The following ZFHX3 variants were observed in gnomAD, a reference collection of about 807,000 sequenced individuals.
ZFHX3 encodes the protein zinc finger homeobox protein 3.
A neutral mutation model predicts 279.1 loss-of-function variants in ZFHX3; 42 were observed. That is an observed-to-expected ratio of 0.15 (90% CI 0.12 to 0.19). The LOEUF is 0.19. ZFHX3 is among the 10% of genes least tolerant of loss of function. ZFHX3 has a pLI of 1.00. For synonymous variants in ZFHX3, 2,293 were observed against 1,957.8 expected (o/e 1.17, Z -4.52); for missense variants, 4,981 against 4,754.0 (o/e 1.05, Z -1.40).
intron 3 of ZFHX3, among the ~76,000 whole-genome samples, chr16:72,916,518 C>A (rs769461083): frequency 6.6e-6 from 1 of 152,128 alleles, no homozygotes; most frequent in Non-Finnish European, 1.5e-5. Context: ...CAAAGTTAGT[C>A]AAAAAGTCAT....
At chr16:73,487,422 TGGCAGAGTCTCGATCTG>T in intron 2 of ZFHX3, 2 of 435,692 alleles carry the variant, frequency 4.6e-6, no homozygotes, top group Admixed American at 5.1e-5. Flanking sequence ...TTTTTTTTTT[TGGCAGAGTCTCGATCTG>T]TTGCCCAGGC....
intron 7 of ZFHX3, among the ~76,000 whole-genome samples, chr16:73,113,279 T>C (rs1966398766): frequency 1.3e-5 from 2 of 151,972 alleles, no homozygotes; most frequent in African/African-American, 4.8e-5. Flanking sequence ...TATATATTCC[T>C]AGGAAGGAAC....
intron 4 of ZFHX3, among the ~76,000 whole-genome samples, chr16:73,291,016 A>T (rs1424880272): frequency 6.6e-6 from 1 of 152,216 alleles, no homozygotes; most frequent in East Asian, 1.9e-4. Context: ...GGCTTAGAAG[A>T]TGTAAAACCA....
intron 7 of ZFHX3, among the ~76,000 whole-genome samples, chr16:72,805,605 T>C (rs1031940421): frequency 1.1e-4 from 16 of 152,224 alleles, no homozygotes; most frequent in African/African-American, 3.9e-4. Flanking sequence ...AAAAGCCAGC[T>C]GCTTTTAGGG....
intron 8 of ZFHX3, among the ~76,000 whole-genome samples, chr16:72,799,490 G>A (rs779429283): frequency 5.0e-4 from 76 of 152,266 alleles, no homozygotes; most frequent in Admixed American, 9.1e-4. Flanking sequence ...AGAGGTGAAC[G>A]ATGTAGGACA....
intron 5 of ZFHX3, among the ~76,000 whole-genome samples, chr16:73,162,006 G>T (rs537983284): frequency 6.6e-6 from 1 of 152,314 alleles, no homozygotes; most frequent in South Asian, 2.1e-4. Context: ...CAAGCTACAG[G>T]CAAGTGGAGA....
intron 2 of ZFHX3, among the ~76,000 whole-genome samples, chr16:73,628,167 A>G (rs546171528): frequency 9.2e-5 from 14 of 152,346 alleles, no homozygotes; most frequent in African/African-American, 3.4e-4. Context: ...ATACCTGGGG[A>G]TAAGGAATGC....
Position 73,766,916 on chromosome 16 carries a change from T to G in ZFHX3, c.-1607-86676A>C, listed in dbSNP as rs909740064. Among the ~76,000 whole-genome samples, 7 of 151,126 alleles carry G rather than the reference T, an allele frequency of 4.6e-5. No homozygotes were observed. In the East Asian group the frequency reaches 1.4e-3, roughly 29 times the overall value. On this transcript the variant is annotated intron_variant, in intron 1 of 17. Transcript: ENST00000641206. Reference sequence around the variant, plus strand: ...AGTATTAGATTGGTGCAAAGGTAATTGTGGGTTTTGCCATTACTTTTTTTT... The same window carrying G: ...AGTATTAGATTGGTGCAAAGGTAATGGTGGGTTTTGCCATTACTTTTTTTT...
intron 5 of ZFHX3, among the ~76,000 whole-genome samples, chr16:73,229,551 G>A (rs1333647766): frequency 6.6e-6 from 1 of 152,008 alleles, no homozygotes; most frequent in South Asian, 2.1e-4. Flanking sequence ...CTTGAACTGG[G>A]TCCCTTTCAT....
chr16:72,957,496 C>G lies in ZFHX3; in HGVS notation c.2650G>C (p.Ala884Pro), dbSNP rs148618101. The change falls in exon 2 of 10, where the codon GCC (alanine) becomes CCC (proline). Residue 884 changes from alanine (A) to proline (P), a missense_variant. This residue lies in a region of ZFHX3 where 1,751 missense variants were observed against 1,770.0 expected (regional missense o/e 0.99). Coordinates refer to ENST00000268489, the MANE Select transcript of ZFHX3 (RefSeq NM_006885.4). ...NLKMDSAASD[A>P]QFMMSGFQLD... The stretch of plus-strand genomic sequence containing the variant: ...TGGAATCCGCTCATCATGAACTGGG[C>G]GTCCGAGGCAGCACTGTCCATCTTC... The G allele has an allele frequency of 1.1e-3, 1,695 of 1,614,082 alleles. 6 individuals carry two copies. The highest frequency in any genetic ancestry group is 1.0e-3 in the Admixed American group (60 of 60,020).
Position 73,690,000 on chromosome 16 carries a change from C to T in ZFHX3, c.-1607-9760G>A, listed in dbSNP as rs568397873. On this transcript the variant is annotated intron_variant, in intron 1 of 17. Coordinates refer to the ZFHX3 transcript ENST00000641206. Reference sequence around the variant, plus strand: ...GCGCGATCTCGGCTCACCGCAACCTCCACCTCCCTGGTTTAAGCAATTGCC... The same window carrying T: ...GCGCGATCTCGGCTCACCGCAACCTTCACCTCCCTGGTTTAAGCAATTGCC... Among the ~76,000 whole-genome samples, 94 of 152,082 alleles carry T rather than the reference C, an allele frequency of 6.2e-4. No homozygotes were observed. The Middle Eastern group carries it at 0.01, about 17-fold the overall frequency.
At chr16:73,429,053 G>C (rs918061825) in intron 3 of ZFHX3, among the ~76,000 whole-genome samples, 4 of 152,134 alleles carry the variant, frequency 2.6e-5, no homozygotes, top group African/African-American at 9.7e-5. Flanking sequence ...TCCATGTCTA[G>C]AGGAAAACCC....
chr16:73,609,065 T>C (rs1206298068), intron 2 of ZFHX3: 3 of 152,194 alleles, frequency 2.0e-5, no homozygotes, highest in Non-Finnish European at 2.9e-5. Context: ...CTCCTCTAAA[T>C]TGGCAGGAAA....
intron 8 of ZFHX3, among the ~76,000 whole-genome samples, chr16:73,075,310 C>T (rs1350651492): frequency 1.3e-5 from 2 of 151,118 alleles, no homozygotes; most frequent in African/African-American, 4.9e-5. Context: ...AGAGAATGAT[C>T]CCCAACTTGA....
At chr16:73,186,143 C>T (rs1272401894) in intron 5 of ZFHX3, among the ~76,000 whole-genome samples, 1 of 152,146 alleles carries the variant, frequency 6.6e-6, no homozygotes, top group African/African-American at 2.4e-5. Flanking sequence ...ACTGATTCTA[C>T]ATGATAGTAA....
At chr16:73,814,769 T>C (rs186964658) in intron 1 of ZFHX3, among the ~76,000 whole-genome samples, 11 of 152,252 alleles carry the variant, frequency 7.2e-5, no homozygotes, top group Non-Finnish European at 5.9e-5. Flanking sequence ...GGTTTCACCA[T>C]GTTGGCCAGG....
At chr16:73,442,211 T>A (rs1429671190) in intron 3 of ZFHX3, among the ~76,000 whole-genome samples, 2 of 152,158 alleles carry the variant, frequency 1.3e-5, no homozygotes, top group Non-Finnish European at 2.9e-5. Flanking sequence ...GACATTCATG[T>A]TAGTTTGCAG....
intron 7 of ZFHX3, among the ~76,000 whole-genome samples, chr16:73,111,914 C>T (rs994026574): frequency 6.6e-6 from 1 of 152,130 alleles, no homozygotes; most frequent in Admixed American, 6.6e-5. Context: ...CGTGTAAGTT[C>T]TCAAGGAACC....
At chr16:72,953,592 A>T (rs1961102342) in intron 2 of ZFHX3, among the ~76,000 whole-genome samples, 1 of 151,752 alleles carries the variant, frequency 6.6e-6, no homozygotes. Flanking sequence ...CCCAGTTTCC[A>T]CTTTAAGCTC....
Sources: gnomAD v4.1 joint callset for allele counts (sites outside exome capture counted in the v4.1 genomes callset) on GRCh38, gnomAD v4.1.1 for gene constraint, gnomAD v4.1.1 regional missense constraint, MANE v1.5 for transcripts, NCBI Gene and HGNC (gene_info 2026-07-23, HGNC 2026-07-21) for gene names.